Variants in CDH18 observed in about 807,000 individuals in gnomAD.
The protein encoded by CDH18 is cadherin-18.
In CDH18, 31 loss-of-function variants were observed where a neutral mutation model predicts 67.9. The observed-to-expected ratio is 0.46, with a 90% CI of 0.34 to 0.62. CDH18 has a LOEUF of 0.62. Among genes scored for constraint, CDH18 ranks in the 20% least tolerant of loss-of-function variants. The pLI, the probability that CDH18 is intolerant of heterozygous loss-of-function variation, is 0.01. For missense variants in CDH18, 890 were observed against 975.5 expected (o/e 0.91, Z 1.17); for synonymous variants, 362 against 347.2 (o/e 1.04, Z -0.48).
chr5:19,902,285 C>A (rs1167057883), intron 2 of CDH18, among the ~76,000 whole-genome samples: 19 of 152,090 alleles, frequency 1.2e-4, no homozygotes, highest in Non-Finnish European at 2.9e-5. Context: ...TTAGTGACTC[C>A]ATTTTAATAA....
At chr5:20,075,314 C>A (rs1561769913) in intron 2 of CDH18, among the ~76,000 whole-genome samples, 2 of 152,052 alleles carry the variant, frequency 1.3e-5, no homozygotes, top group East Asian at 1.9e-4. Context: ...ACCGTCCTGG[C>A]CAACATGGTG....
chr5:19,659,674 T>A (rs1756899665), intron 5 of CDH18, among the ~76,000 whole-genome samples: 2 of 152,070 alleles, frequency 1.3e-5, no homozygotes, highest in Admixed American at 6.6e-5. Flanking sequence ...AGTGCCCTCA[T>A]AAAAGTGTCT....
chr5:20,327,028 G>A (rs541656502), intron 1 of CDH18, among the ~76,000 whole-genome samples: 35 of 152,260 alleles, frequency 2.3e-4, no homozygotes, highest in African/African-American at 8.4e-4. Context: ...TTACATGTAC[G>A]ATTGATATTC....
chr5:20,116,919 A>G (rs1457782554), intron 2 of CDH18, among the ~76,000 whole-genome samples: 10 of 152,094 alleles, frequency 6.6e-5, no homozygotes, highest in Non-Finnish European at 5.9e-5. Flanking sequence ...AACAACATAT[A>G]TTTTTACCAC....
intron 1 of CDH18, among the ~76,000 whole-genome samples, chr5:20,404,126 T>C (rs1286299938): frequency 1.3e-5 from 2 of 152,200 alleles, no homozygotes; most frequent in Non-Finnish European, 2.9e-5. Context: ...CCTCTCTCAG[T>C]CTTCATAGAG....
chr5:20,275,821 T>C (rs955787387), intron 1 of CDH18, among the ~76,000 whole-genome samples: 4 of 152,142 alleles, frequency 2.6e-5, no homozygotes, highest in African/African-American at 9.7e-5. Flanking sequence ...CTTGAATTGC[T>C]CCTATCTTCT....
At chr5:20,332,352 G>C (rs1308127142) in intron 1 of CDH18, among the ~76,000 whole-genome samples, 1 of 152,160 alleles carries the variant, frequency 6.6e-6, no homozygotes, top group East Asian at 1.9e-4. Context: ...TCTTAAGTGA[G>C]ATTATTGATT....
At chr5:19,647,086 T>A (rs1385524381) in intron 5 of CDH18, among the ~76,000 whole-genome samples, 1 of 152,100 alleles carries the variant, frequency 6.6e-6, no homozygotes, top group Non-Finnish European at 1.5e-5. Flanking sequence ...GAAAGAACTA[T>A]GAGTTCATAA....
intron 1 of CDH18, among the ~76,000 whole-genome samples, chr5:20,343,772 C>T (rs910584099): frequency 6.6e-6 from 1 of 152,162 alleles, no homozygotes; most frequent in South Asian, 2.1e-4. Context: ...CATGCCACTA[C>T]TGGAAAGAGA....
intron 1 of CDH18, among the ~76,000 whole-genome samples, chr5:20,489,202 T>A (rs1199118525): frequency 6.6e-6 from 1 of 152,062 alleles, no homozygotes; most frequent in Non-Finnish European, 1.5e-5. Flanking sequence ...CTCCTTGAGA[T>A]TTAGATATGA....
In CDH18 at chr5:19,770,436, C is replaced by A. The variant is rs550659267; in HGVS notation, c.229-23200G>T. 2.6e-3 allele frequency among the ~76,000 whole-genome samples: 390 copies of A among 152,196 alleles called. 2 individuals are homozygous for A. The highest frequency in any genetic ancestry group is 3.9e-3 in the Non-Finnish European group (262 of 67,994). ...AGATTAGTCCAAAAATGTATCCCCACACATGTAACTATAACCTGAATTTTA... is the reference window on the plus strand; with the variant it reads ...AGATTAGTCCAAAAATGTATCCCCAAACATGTAACTATAACCTGAATTTTA... On this transcript the variant is annotated intron_variant, in intron 3 of 12. Coordinates refer to ENST00000382275, the MANE Select transcript of CDH18 (RefSeq NM_004934.5).
chr5:19,559,678 A>G (rs1203065544), intron 8 of CDH18, among the ~76,000 whole-genome samples: 2 of 152,062 alleles, frequency 1.3e-5, no homozygotes, highest in African/African-American at 4.8e-5. Flanking sequence ...AACGAGAGAA[A>G]GAAATAAAGG....
intron 1 of CDH18, among the ~76,000 whole-genome samples, chr5:20,319,988 C>T (rs892216135): frequency 2.0e-5 from 3 of 152,084 alleles, no homozygotes; most frequent in Middle Eastern, 3.2e-3. Context: ...ATTTTATATT[C>T]TCTCTGATTC....
chr5:20,148,554 T>C (rs1360756038), intron 2 of CDH18, among the ~76,000 whole-genome samples: 1 of 152,150 alleles, frequency 6.6e-6, no homozygotes, highest in African/African-American at 2.4e-5. Flanking sequence ...GAGATTGGAT[T>C]CTTGTATTTT....
At chr5:20,402,641 T>C (rs1745868187) in intron 1 of CDH18, among the ~76,000 whole-genome samples, 1 of 152,112 alleles carries the variant, frequency 6.6e-6, no homozygotes, top group Admixed American at 6.6e-5. Context: ...TATCTTAACT[T>C]AAAATATTGC....
intron 1 of CDH18, among the ~76,000 whole-genome samples, chr5:20,338,442 C>T (rs116401149): frequency 5.4e-3 from 815 of 152,226 alleles, no homozygotes; most frequent in Non-Finnish European, 8.1e-3. Context: ...TGGCCAAAAC[C>T]TTTAGTTTTC....
At chr5:19,628,761 G>C (rs183595990) in intron 5 of CDH18, among the ~76,000 whole-genome samples, 35 of 152,138 alleles carry the variant, frequency 2.3e-4, no homozygotes, top group Admixed American at 1.2e-3. Flanking sequence ...AGCTAAAATA[G>C]TAATATAAAT....
chr5:20,471,159 A>G (rs1453729842), intron 1 of CDH18, among the ~76,000 whole-genome samples: 1 of 151,392 alleles, frequency 6.6e-6, no homozygotes, highest in Non-Finnish European at 1.5e-5. Context: ...TCCACTGCTA[A>G]GAGCAAGGCC....
chr5:19,591,586 C>A (rs1392699862), intron 6 of CDH18, among the ~76,000 whole-genome samples: 3 of 151,928 alleles, frequency 2.0e-5, no homozygotes, highest in Non-Finnish European at 4.4e-5. Context: ...TTAGTGTAAT[C>A]CCAATTTATT....
Sources: gnomAD v4.1 joint callset for allele counts (sites outside exome capture counted in the v4.1 genomes callset) on GRCh38, gnomAD v4.1.1 for gene constraint, MANE v1.5 for transcripts, NCBI Gene and HGNC (gene_info 2026-07-23, HGNC 2026-07-21) for gene names.